Variants in ADAMTS12 observed in about 807,000 individuals in gnomAD.
ADAMTS12 encodes the protein A disintegrin and metalloproteinase with thrombospondin motifs 12.
In ADAMTS12, 118 loss-of-function variants were observed where a neutral mutation model predicts 167.8. The ratio of observed to expected loss-of-function variants is 0.70; its 90% CI spans 0.61 to 0.82. ADAMTS12 has a LOEUF of 0.82. Among genes scored for constraint, ADAMTS12 ranks in the 40% least tolerant of loss-of-function variants. ADAMTS12 has a pLI of 0.00. For missense variants in ADAMTS12, 1,916 were observed against 1,998.8 expected (o/e 0.96, Z 0.79); for synonymous variants, 704 against 716.9 (o/e 0.98, Z 0.29).
intron 16 of ADAMTS12, among the ~76,000 whole-genome samples, chr5:33,601,681 C>T (rs1738197276): frequency 6.6e-6 from 1 of 152,144 alleles, no homozygotes; most frequent in South Asian, 2.1e-4. Flanking sequence ...TCAATAACCA[C>T]AAATATTGAA....
Position 33,836,915 on chromosome 5 carries a change from A to AT in ADAMTS12, c.489+44203dup, listed in dbSNP as rs957214113. The stretch of plus-strand genomic sequence containing the variant: ...GCCTCCGGGAGAGTCTGGCTTTAAA[A>AT]TTTTTTTTTTTTCTTTACAGGCAGG... On this transcript the variant is annotated intron_variant, in intron 2 of 23. Coordinates refer to ENST00000504830, the MANE Select transcript of ADAMTS12 (RefSeq NM_030955.4). 3.4e-3 allele frequency among the ~76,000 whole-genome samples: 497 copies of AT among 145,418 alleles called. 5 individuals are homozygous for AT. Among genetic ancestry groups the AT allele is most frequent in the African/African-American group, 0.012 (456 of 39,064 alleles).
chr5:33,853,232 TCAA>T (rs1749283313), intron 2 of ADAMTS12, among the ~76,000 whole-genome samples: 1 of 152,192 alleles, frequency 6.6e-6, no homozygotes, highest in Non-Finnish European at 1.5e-5. Context: ...AAACTTAGAA[TCAA>T]CAAGGTCCAT....
intron 23 of ADAMTS12, among the ~76,000 whole-genome samples, chr5:33,530,367 G>A (rs549941442): frequency 6.6e-6 from 1 of 152,344 alleles, no homozygotes; most frequent in East Asian, 1.9e-4. Flanking sequence ...GTTGTTCACT[G>A]GACCTGGGCC....
chr5:33,587,138 G>A (rs1747396747), intron 18 of ADAMTS12, among the ~76,000 whole-genome samples: 1 of 151,716 alleles, frequency 6.6e-6, no homozygotes, highest in South Asian at 2.1e-4. Flanking sequence ...GCTAATAAAA[G>A]GGAGTCTTGG....
chr5:33,590,312 A>T (rs1747570438), intron 17 of ADAMTS12, among the ~76,000 whole-genome samples: 1 of 152,144 alleles, frequency 6.6e-6, no homozygotes, highest in South Asian at 2.1e-4. Flanking sequence ...ATTGCCTGTG[A>T]TTTTGCTATA....
intron 5 of ADAMTS12, among the ~76,000 whole-genome samples, chr5:33,680,951 A>G (rs138035512): frequency 2.6e-5 from 4 of 152,106 alleles, no homozygotes; most frequent in African/African-American, 7.2e-5. Flanking sequence ...CTAGGCAAAA[A>G]CCATTTGTAC....
At chr5:33,604,035 A>G (rs12653860) in intron 16 of ADAMTS12, among the ~76,000 whole-genome samples, 88,147 of 151,960 alleles carry the variant, frequency 0.58, 25,848 homozygotes, top group East Asian at 0.82. Context: ...ATATAAGTAT[A>G]AATTTATATC....
chr5:33,614,353 A>G lies in ADAMTS12; in HGVS notation c.2412T>C (p.Pro804=). The G allele has an allele frequency of 6.2e-7, 1 of 1,614,148 alleles. No individual in the cohort carries two copies. Among genetic ancestry groups the G allele is most frequent in the Non-Finnish European group, 8.5e-7 (1 of 1,179,982 alleles). The change falls in exon 16 of 24, where the codon CCT becomes CCC. Residue 804 remains proline, a synonymous_variant. Transcript: ENST00000504830. ...GGATTGTGTACTCATACTTGATGCC[A>G]GGGTTAGTCACCTGGAATAGAAGCT... The part of the protein sequence containing the change: ...WIQLLFQVTN[P]GIKYEYTIQK...
At chr5:33,784,150 C>G (rs143920815) in intron 2 of ADAMTS12, among the ~76,000 whole-genome samples, 2 of 151,934 alleles carry the variant, frequency 1.3e-5, no homozygotes, top group African/African-American at 4.8e-5. Flanking sequence ...TGACAAAAAT[C>G]ACTACCTATA....
At chr5:33,626,237 A>G (rs1333240523) in intron 13 of ADAMTS12, among the ~76,000 whole-genome samples, 1 of 149,950 alleles carries the variant, frequency 6.7e-6, no homozygotes, top group African/African-American at 2.4e-5. Flanking sequence ...ATGGTGATGG[A>G]CAATAATGGT....
intron 2 of ADAMTS12, among the ~76,000 whole-genome samples, chr5:33,864,283 A>G (rs1182300453): frequency 2.0e-5 from 3 of 152,216 alleles, no homozygotes; most frequent in Admixed American, 6.5e-5. Flanking sequence ...CGAAACCACA[A>G]TGAGATGCCA....
chr5:33,541,810 C>G (rs922685715), intron 22 of ADAMTS12, among the ~76,000 whole-genome samples: 10 of 152,186 alleles, frequency 6.6e-5, no homozygotes, highest in African/African-American at 9.7e-5. Flanking sequence ...ACCACCAGGC[C>G]TGCCTTACAA....
At chr5:33,534,737 T>G in intron 23 of ADAMTS12, 96 bp downstream of exon 23, 1 of 1,457,178 alleles carries the variant, frequency 6.9e-7, no homozygotes, top group South Asian at 1.5e-5. Context: ...GATTTTCTAT[T>G]CAGTAAAAGA....
intron 2 of ADAMTS12, among the ~76,000 whole-genome samples, chr5:33,836,154 A>T (rs1748519052): frequency 1.3e-5 from 2 of 152,186 alleles, no homozygotes; most frequent in African/African-American, 4.8e-5. Flanking sequence ...TGAGCACAGA[A>T]TCTGAAAATC....
At chr5:33,855,216 G>C (rs936628298) in intron 2 of ADAMTS12, among the ~76,000 whole-genome samples, 1 of 152,234 alleles carries the variant, frequency 6.6e-6, no homozygotes, top group Non-Finnish European at 1.5e-5. Flanking sequence ...ACTTAAAAGA[G>C]TAACGTGGTA....
At chr5:33,670,040 G>C (rs190669304) in intron 5 of ADAMTS12, among the ~76,000 whole-genome samples, 1 of 151,912 alleles carries the variant, frequency 6.6e-6, no homozygotes, top group African/African-American at 2.4e-5. Flanking sequence ...TTTGCTTTGA[G>C]AGAAACCTTA....
intron 3 of ADAMTS12, among the ~76,000 whole-genome samples, chr5:33,746,817 T>TTA (rs1744806882): frequency 1.3e-5 from 2 of 152,174 alleles, no homozygotes. Context: ...CAGGCCTGAT[T>TTA]TAATCAGTCG....
chr5:33,880,893 T>C (rs531090547), intron 2 of ADAMTS12: 5 of 542,454 alleles, frequency 9.2e-6, no homozygotes, highest in African/African-American at 1.9e-5. Flanking sequence ...TGGAGTTCTG[T>C]CTGCCTCCTC....
intron 6 of ADAMTS12, among the ~76,000 whole-genome samples, chr5:33,659,115 G>A (rs147306375): frequency 6.6e-6 from 1 of 152,154 alleles, no homozygotes; most frequent in Admixed American, 6.5e-5. Context: ...GCAGCTAACG[G>A]GGTTTGTGTG....
Sources: gnomAD v4.1 joint callset for allele counts (sites outside exome capture counted in the v4.1 genomes callset) on GRCh38, gnomAD v4.1.1 for gene constraint, MANE v1.5 for transcripts, NCBI Gene and HGNC (gene_info 2026-07-23, HGNC 2026-07-21) for gene names.